The following PML variants were observed in gnomAD, a reference collection of about 807,000 sequenced individuals.
PML encodes protein PML.
In PML, 28 loss-of-function variants were observed where a neutral mutation model predicts 65.2. The observed-to-expected ratio is 0.43, with a 90% CI of 0.32 to 0.59. The LOEUF (loss-of-function observed/expected upper bound fraction) is 0.59, where lower values mean the gene tolerates loss of function less well. PML is among the 20% of genes least tolerant of loss of function. The pLI is 0.08. For synonymous variants in PML, 500 were observed against 508.8 expected, an observed-to-expected ratio of 0.98 and a Z score of 0.23; for missense variants, 1,021 against 1,203.4, an observed-to-expected ratio of 0.85 and a Z score of 2.24.
chr15:74,034,934 T>C, intron 7 of PML: 1 of 1,453,648 alleles, frequency 6.9e-7, no homozygotes, highest in Non-Finnish European at 9.0e-7. Flanking sequence ...ACAGGGCAGC[T>C]ATATAGGGGC....
chr15:74,023,399 C>A lies in PML; in HGVS notation c.1174C>A (p.Gln392Lys), dbSNP rs775280848. The change falls in exon 3 of 9, where the codon CAG becomes AAG. Residue 392 changes from glutamine (Q) to lysine (K), a missense_variant. Gln to Lys is a moderately conservative substitution (Grantham distance 53). Coordinates refer to ENST00000268058, the MANE Select transcript of PML (RefSeq NM_033238.3). ...GCAGGACCTCAGCTCTTGCATCACC[C>A]AGGGGAAAGGTAAGCACGCACGCCA... Reference protein sequence around the residue: ...RLQDLSSCITQGKDAAVSKKA... With the variant: ...RLQDLSSCITKGKDAAVSKKA... The A allele has an allele frequency of 5.0e-6, 8 of 1,598,418 alleles. No homozygotes were observed. The Admixed American group carries it at 1.0e-4, about 20-fold the overall frequency.
At chr15:74,009,487 A>G (rs1255469394) in intron 2 of PML, among the ~76,000 whole-genome samples, 1 of 152,214 alleles carries the variant, frequency 6.6e-6, no homozygotes, top group Admixed American at 6.5e-5. Context: ...ACAATAAATG[A>G]CCCATTTCCT....
Position 74,045,252 on chromosome 15 carries a change from A to G in PML, c.*244A>G. On this transcript the variant is annotated 3_prime_UTR_variant, in exon 9 of 9. Transcript: ENST00000268058. The stretch of plus-strand genomic sequence containing the variant: ...CAGACTCCTATTAGCCCCTCCTTCC[A>G]GGAGCTAGAACCAGGGAGGTCCTGA... The G allele has an allele frequency of 1.9e-6, 1 of 523,188 alleles. No individual in the cohort carries two copies. The highest frequency in any genetic ancestry group is 3.2e-5 in the East Asian group (1 of 31,556). The allele number at this position is 523,188 out of a possible 1,614,324, so 32.4% of individuals were successfully genotyped here.
chr15:74,028,341 C>G (rs1420009669), intron 4 of PML: 3 of 151,336 alleles, frequency 2.0e-5, no homozygotes, highest in Admixed American at 2.0e-4. Flanking sequence ...GCCCGGCCTT[C>G]GGGGAGTTCG....
At chr15:74,003,309 G>A (rs2069872511) in intron 2 of PML, among the ~76,000 whole-genome samples, 2 of 151,994 alleles carry the variant, frequency 1.3e-5, no homozygotes, top group South Asian at 4.2e-4. Context: ...GCGGGCGCCT[G>A]TAATCCCAGC....
In PML at chr15:74,037,437, T is replaced by C. The variant is rs2071596047; in HGVS notation, c.1710+2907T>C. On this transcript the variant is annotated intron_variant, in intron 7 of 8. Transcript: ENST00000268058. This position sits in a 1 kb window ranked among gnomAD's most constrained non-coding sequence, Gnocchi z 4.2. ...TCCTCCTCCTCATCTCTCTTGCATCTTCTAATGTATCCACTGCCTTCTGAA... is the reference window on the plus strand; with the variant it reads ...TCCTCCTCCTCATCTCTCTTGCATCCTCTAATGTATCCACTGCCTTCTGAA... 3 of 985,380 alleles carry C rather than the reference T, an allele frequency of 3.0e-6. No homozygotes were observed. The highest frequency in any genetic ancestry group is 3.6e-6 in the Non-Finnish European group (3 of 829,916). 61.0% of individuals were successfully genotyped at this position (985,380 alleles called of 1,614,324 possible). A position where few individuals can be genotyped will look rare whatever the true frequency, so the allele number is the denominator to read the frequency against.
intron 2 of PML, among the ~76,000 whole-genome samples, chr15:74,001,010 G>A (rs2069736715): frequency 6.6e-6 from 1 of 152,082 alleles, no homozygotes; most frequent in Admixed American, 6.5e-5. Flanking sequence ...TCCCATTTTT[G>A]CCATGGCATT....
At chr15:74,014,860 G>T (rs926283039) in intron 2 of PML, among the ~76,000 whole-genome samples, 1 of 152,170 alleles carries the variant, frequency 6.6e-6, no homozygotes, top group African/African-American at 2.4e-5. Context: ...CATAAAGATG[G>T]CAGGAGAAAC....
Position 74,044,971 on chromosome 15 carries a change from G to T in PML, c.2612G>T (p.Gly871Val), listed in dbSNP as rs1567142199. 15 of 1,609,272 alleles carry T rather than the reference G, an allele frequency of 9.3e-6. No homozygotes were observed. Among genetic ancestry groups the T allele is most frequent in the Middle Eastern group, 1.6e-4 (1 of 6,076 alleles). The change falls in exon 9 of 9, where the codon GGC becomes GTC. Residue 871 changes from glycine to valine, a missense_variant. Coordinates refer to ENST00000268058, the MANE Select transcript of PML (RefSeq NM_033238.3). ...GAAGGAGTCTCCACCCCACTTGCTG[G>T]CCGTGGCTTGGCAGAGAGGGCCTCC... ...RAEGVSTPLA[G>V]RGLAERASQQ...
intron 2 of PML, among the ~76,000 whole-genome samples, chr15:74,014,359 T>C (rs2070467022): frequency 6.6e-6 from 1 of 151,516 alleles, no homozygotes; most frequent in Non-Finnish European, 1.5e-5. Flanking sequence ...TGAGATAGAG[T>C]CTCGCTCTGC....
chr15:74,003,314 C>T (rs1333799888), intron 2 of PML, among the ~76,000 whole-genome samples: 4 of 151,962 alleles, frequency 2.6e-5, no homozygotes, highest in African/African-American at 9.7e-5. Flanking sequence ...CGCCTGTAAT[C>T]CCAGCTACTC....
rs66526977 is a variant in PML, at chr15:74,003,651, AT to A, written c.602+5184del. ...GTTCCAGATTACTACCAAATTGTTA[AT>A]TTTTTTTTCTTTTGTAAACATCCTT... On this transcript the variant is annotated intron_variant, in intron 2 of 8. Coordinates refer to ENST00000268058, the MANE Select transcript of PML (RefSeq NM_033238.3). Among the ~76,000 whole-genome samples the A allele has an allele frequency of 5.9e-3, 903 of 151,792 alleles. 8 individuals carry two copies. The highest frequency in any genetic ancestry group is 0.021 in the African/African-American group (848 of 41,340).
chr15:74,016,792 C>CTTTTTTTTTTTTTTTTTTTTT lies in PML; in HGVS notation c.603-6034_603-6014dup, dbSNP rs535665071. 2.8e-4 allele frequency among the ~76,000 whole-genome samples: 22 copies of CTTTTTTTTTTTTTTTTTTTTT among 77,648 alleles called. 5 individuals are homozygous for CTTTTTTTTTTTTTTTTTTTTT. The highest frequency in any genetic ancestry group is 4.8e-4 in the Non-Finnish European group (20 of 41,778). 50.9% of individuals were successfully genotyped at this position (77,648 alleles called of 152,430 possible). On this transcript the variant is annotated intron_variant, in intron 2 of 8. Coordinates refer to ENST00000268058, the MANE Select transcript of PML (RefSeq NM_033238.3). Reference sequence around the variant, plus strand: ...TTTTGAATTTTTTAGGCAGTGGCATCTTTTTTTTTTTTTTTTTTTTTTGAG... The same window carrying CTTTTTTTTTTTTTTTTTTTTT: ...TTTTGAATTTTTTAGGCAGTGGCATCTTTTTTTTTTTTTTTTTTTTTTTTTTTTTTTTTTTTTTTTTTTGAG...
Position 74,023,205 on chromosome 15 carries a change from G to T in PML, c.980G>T (p.Arg327Leu), listed in dbSNP as rs1218716032. ...GRLDAVLQRI[R>L]TGSALVQRMK... ...CTGGATGCTGTGCTGCAGCGCATCC[G>T]CACGGGCAGCGCGCTGGTGCAGAGG... Residue 327 changes from arginine to leucine, a missense_variant, in exon 3 of 9, where the codon CGC (arginine) becomes CTC (leucine). Physicochemically the swap from Arg to Leu is moderately radical, Grantham distance 102. Coordinates refer to ENST00000268058, the MANE Select transcript of PML (RefSeq NM_033238.3). The T allele has an allele frequency of 1.9e-6, 3 of 1,608,528 alleles. No homozygotes were observed. Among genetic ancestry groups the T allele is most frequent in the Non-Finnish European group, 2.5e-6 (3 of 1,178,106 alleles).
chr15:74,032,582 C>T lies in PML; in HGVS notation c.1265C>T (p.Ala422Val). ...DPIDVDLPEEAERVKAQVQAL... is the reference protein window; with the variant it reads ...DPIDVDLPEEVERVKAQVQAL... ...TTCCCAACTTTGCAGCCCGAGGAGG[C>T]AGAGAGAGTGAAGGCCCAGGTTCAG... is the stretch of plus-strand genomic sequence containing the variant. The change falls in exon 5 of 9, where the codon GCA becomes GTA. Residue 422 changes from alanine (A) to valine (V), a missense_variant. Transcript: ENST00000268058. 6.2e-7 allele frequency: 1 copy of T among 1,614,136 alleles called. No homozygotes were observed. The highest frequency in any genetic ancestry group is 8.5e-7 in the Non-Finnish European group (1 of 1,179,996).
In PML at chr15:74,037,115, A is replaced by C. The variant is rs376825230; in HGVS notation, c.1710+2585A>C. On this transcript the variant is annotated intron_variant, in intron 7 of 8. Transcript: ENST00000268058. This position sits in a 1 kb window ranked among gnomAD's most constrained non-coding sequence, Gnocchi z 4.2. ...GGAAAACTATGAGTGGTTGCCTGTG[A>C]CTGCTAAGGGCTCCTTGGTGCTCCG... The C allele has an allele frequency of 3.0e-6, 3 of 985,360 alleles. No individual in the cohort carries two copies. Among genetic ancestry groups the C allele is most frequent in the Non-Finnish European group, 1.2e-6 (1 of 829,922 alleles). 61.0% of individuals were successfully genotyped at this position (985,360 alleles called of 1,614,324 possible). A position where few individuals can be genotyped will look rare whatever the true frequency, so the allele number is the denominator to read the frequency against.
intron 2 of PML, among the ~76,000 whole-genome samples, chr15:74,005,587 A>C (rs1595883432): frequency 7.9e-6 from 1 of 126,978 alleles, no homozygotes. Context: ...TTTTCCCCCC[A>C]GCAATCTTTT....
intron 7 of PML, chr15:74,036,861 C>T (rs774581716): frequency 8.5e-5 from 74 of 874,860 alleles, no homozygotes; most frequent in South Asian, 2.6e-4. Context: ...TTGCCATCAC[C>T]GAGCACTGTC....
intron 8 of PML, 81 bp from the exon 9 acceptor site, chr15:74,044,140 G>C: frequency 7.2e-7 from 1 of 1,393,086 alleles, no homozygotes. Flanking sequence ...TGGTGAGTCA[G>C]CAGCCCTAGA....
Sources: gnomAD v4.1 joint callset for allele counts (sites outside exome capture counted in the v4.1 genomes callset) on GRCh38, gnomAD v4.1.1 for gene constraint, Gnocchi (gnomAD v3.1) non-coding constraint, MANE v1.5 for transcripts, NCBI Gene and HGNC (gene_info 2026-07-23, HGNC 2026-07-21) for gene names.